Variants in DDX21 observed in about 807,000 individuals in gnomAD.
The protein encoded by DDX21 is nucleolar RNA helicase 2.
A neutral mutation model predicts 90.0 loss-of-function variants in DDX21; 18 were observed. That is an observed-to-expected ratio of 0.20 (90% CI 0.14 to 0.30). The LOEUF (loss-of-function observed/expected upper bound fraction) is 0.30. Ranked by LOEUF, DDX21 falls within the 10% of genes least tolerant of loss-of-function variation. DDX21 has a pLI of 1.00. For missense variants in DDX21, 673 were observed against 944.5 expected (o/e 0.71, Z 3.77); for synonymous variants, 294 against 318.0 (o/e 0.92, Z 0.80).
chr10:68,968,843 C>T, intron 6 of DDX21, 133 bp from the exon 7 acceptor site: 1 of 911,918 alleles, frequency 1.1e-6, no homozygotes. Flanking sequence ...AGTTTTGTGT[C>T]CTCAGTGCCC....
At chr10:68,957,805 A>G (rs771821001) in intron 1 of DDX21, among the ~76,000 whole-genome samples, 1 of 152,220 alleles carries the variant, frequency 6.6e-6, no homozygotes, top group Non-Finnish European at 1.5e-5. Flanking sequence ...AACAGAGACC[A>G]GGCCTGAAAT....
chr10:68,961,616 A>G (rs1589282881), intron 2 of DDX21, among the ~76,000 whole-genome samples: 1 of 152,284 alleles, frequency 6.6e-6, no homozygotes, highest in South Asian at 2.1e-4. Flanking sequence ...TCTACTTACT[A>G]CTTGTATTGA....
chr10:68,969,043 C>G lies in DDX21; in HGVS notation c.1158C>G (p.Ala386=). 1 of 1,613,680 alleles carries G rather than the reference C, an allele frequency of 6.2e-7. No individual in the cohort carries two copies. The highest frequency in any genetic ancestry group is 8.5e-7 in the Non-Finnish European group (1 of 1,179,878). ...GCCCTCATTGGGTATTTAATGTTGC[C>G]AAGAAATACATGAAATCTACATATG... ...ATCPHWVFNV[A]KKYMKSTYEQ... is the part of the protein sequence containing the mutation. Residue 386 remains alanine, a synonymous_variant, in exon 7 of 15, where the codon GCC becomes GCG. Coordinates refer to ENST00000354185, the MANE Select transcript of DDX21 (RefSeq NM_004728.4).
intron 3 of DDX21, among the ~76,000 whole-genome samples, chr10:68,962,665 T>C (rs969367860): frequency 1.3e-5 from 2 of 152,230 alleles, no homozygotes; most frequent in African/African-American, 4.8e-5. Flanking sequence ...TATTGACTAA[T>C]GGTGCTGGTG....
chr10:68,970,955 ATTTTTTTTTTT>A (rs56314802), intron 8 of DDX21, among the ~76,000 whole-genome samples: 55 of 72,554 alleles, frequency 7.6e-4, no homozygotes, highest in South Asian at 2.4e-3. Flanking sequence ...GCCCAGCCTA[ATTTTTTTTTTT>A]TTTTTTTTTT....
intron 7 of DDX21, 66 bp from the exon 8 acceptor site, chr10:68,970,135 T>C (rs1383750228): frequency 3.8e-5 from 55 of 1,435,048 alleles, no homozygotes; most frequent in Non-Finnish European, 5.2e-5. Context: ...TCACTGATCA[T>C]TGTGTTGTGA....
intron 9 of DDX21, among the ~76,000 whole-genome samples, chr10:68,973,028 A>G (rs113623584): frequency 2.6e-5 from 4 of 152,034 alleles, no homozygotes; most frequent in African/African-American, 7.2e-5. Context: ...AACCCTGTCT[A>G]TACTAAAAAT....
At chr10:68,980,229 A>C (rs988635857) in intron 13 of DDX21, among the ~76,000 whole-genome samples, 1 of 151,798 alleles carries the variant, frequency 6.6e-6, no homozygotes, top group Admixed American at 6.6e-5. Context: ...AACAAGAGTG[A>C]AACTCCGTCT....
Position 68,980,212 on chromosome 10 carries a change from C to T in DDX21, c.2037+1236C>T, listed in dbSNP as rs957117934. 5.9e-5 allele frequency among the ~76,000 whole-genome samples: 9 copies of T among 152,164 alleles called. No homozygotes were observed. The South Asian group carries it at 1.9e-3, about 32-fold the overall frequency. On this transcript the variant is annotated intron_variant, in intron 13 of 14. Transcript: ENST00000354185. ...CCGAGATCGCGCCATTACACTCCAG[C>T]TTGGGCAACAAGAGTGAAACTCCGT... is the stretch of plus-strand genomic sequence containing the variant.
rs773653926 is a variant in DDX21, at chr10:68,982,908, CT to C, written c.*97del. 8.0e-5 allele frequency: 118 copies of C among 1,479,214 alleles called. No individual in the cohort carries two copies. Among genetic ancestry groups the C allele is most frequent in the Non-Finnish European group, 1.0e-4 (115 of 1,100,012 alleles). The allele number at this position is 1,479,214 out of a possible 1,614,324, so 91.6% of individuals were successfully genotyped here. On this transcript the variant is annotated 3_prime_UTR_variant, in exon 15 of 15. Transcript: ENST00000354185. ...ATGCAAAGTTAAAAGCACATTGTGC[CT>C]CCTTTTGACCACTTGCCAAGTCCCT...
At position 68,969,045 on chromosome 10, in the gene DDX21, A is replaced by G. The variant is rs1842983191; in HGVS notation, c.1160A>G (p.Lys387Arg). Residue 387 changes from lysine to arginine, a missense_variant, in exon 7 of 15, where the codon AAG becomes AGG. Transcript: ENST00000354185. ...TCPHWVFNVAKKYMKSTYEQV... is the reference protein window; with the variant it reads ...TCPHWVFNVARKYMKSTYEQV... ...CCTCATTGGGTATTTAATGTTGCCA[A>G]GAAATACATGAAATCTACATATGAA... 6.2e-7 allele frequency: 1 copy of G among 1,614,138 alleles called. No individual in the cohort carries two copies. The highest frequency in any genetic ancestry group is 8.5e-7 in the Non-Finnish European group (1 of 1,179,980).
chr10:68,979,846 A>T (rs1030874926), intron 13 of DDX21, among the ~76,000 whole-genome samples: 1 of 152,208 alleles, frequency 6.6e-6, no homozygotes, highest in African/African-American at 2.4e-5. Context: ...CTAACCTTAC[A>T]GCTTAATTTC....
chr10:68,976,715 A>G (rs533193753), intron 11 of DDX21, among the ~76,000 whole-genome samples: 199 of 152,190 alleles, frequency 1.3e-3, no homozygotes, highest in Non-Finnish European at 2.2e-3. Context: ...CAAGAAGGGG[A>G]ATGGGACAAA....
rs938656755 is a variant in DDX21 at position 68,974,864 on chromosome 10, C to T, written c.1742+121C>T. The T allele has an allele frequency of 2.0e-4, 136 of 685,688 alleles. 1 individual carries two copies. The East Asian group carries it at 2.7e-3, about 13-fold the overall frequency. 42.5% of individuals were successfully genotyped at this position (685,688 alleles called of 1,614,324 possible). A position where few individuals can be genotyped will look rare whatever the true frequency, so the allele number is the denominator to read the frequency against. ...TTTTAAAATTTTTGAGACAGGGTCT[C>T]ACTATGTTGCCCAGGCTGGTCTCAA... is the stretch of plus-strand genomic sequence containing the variant. On this transcript the variant is annotated intron_variant, in intron 11 of 14. Coordinates refer to ENST00000354185, the MANE Select transcript of DDX21 (RefSeq NM_004728.4).
rs1325824570 is a variant in DDX21 at position 68,963,303 on chromosome 10, C to A, written c.620C>A (p.Thr207Asn). The change falls in exon 4 of 15, where the codon ACC becomes AAC. Residue 207 changes from threonine to asparagine, a missense_variant. Physicochemically the swap from Thr to Asn is moderately conservative, Grantham distance 65. Coordinates refer to ENST00000354185, the MANE Select transcript of DDX21 (RefSeq NM_004728.4). ...TIKLLKGRGVTFLFPIQAKTF... is the reference protein window; with the variant it reads ...TIKLLKGRGVNFLFPIQAKTF... Reference sequence around the variant, plus strand: ...AATTTGTTCATAGGCCGAGGAGTGACCTTCCTATTTCCTATACAAGCAAAG... The same window carrying A: ...AATTTGTTCATAGGCCGAGGAGTGAACTTCCTATTTCCTATACAAGCAAAG... 1.2e-6 allele frequency: 2 copies of A among 1,611,064 alleles called. No individual in the cohort carries two copies. Among genetic ancestry groups the A allele is most frequent in the Admixed American group, 3.4e-5 (2 of 59,162 alleles).
In DDX21 at chr10:68,984,599, T is replaced by C. The variant is rs1337328728; in HGVS notation, c.*1787T>C. Reference sequence around the variant, plus strand: ...CATGCTTTAATAATAACTGAACCATTTCATTATTTGGATAGGCATGGGTAC... The same window carrying C: ...CATGCTTTAATAATAACTGAACCATCTCATTATTTGGATAGGCATGGGTAC... On this transcript the variant is annotated 3_prime_UTR_variant, in exon 15 of 15. Coordinates refer to ENST00000354185, the MANE Select transcript of DDX21 (RefSeq NM_004728.4). The C allele has an allele frequency of 6.6e-6, 1 of 152,202 alleles. No homozygotes were observed. Among genetic ancestry groups the C allele is most frequent in the Non-Finnish European group, 1.5e-5 (1 of 68,028 alleles). The allele number at this position is 152,202 out of a possible 1,614,324, so 9.4% of individuals were successfully genotyped here.
At chr10:68,969,202 T>A in intron 7 of DDX21, 81 bp downstream of exon 7, 1 of 1,329,526 alleles carries the variant, frequency 7.5e-7, no homozygotes, top group South Asian at 1.3e-5. Context: ...TGGCAAATGC[T>A]CTTTTTCCAG....
intron 10 of DDX21, among the ~76,000 whole-genome samples, chr10:68,973,904 A>G (rs75687175): frequency 6.6e-6 from 1 of 152,216 alleles, no homozygotes; most frequent in Non-Finnish European, 1.5e-5. Flanking sequence ...AATGATAAAT[A>G]TGAACCAGAG....
intron 9 of DDX21, 76 bp from the exon 10 acceptor site, chr10:68,973,469 A>T: frequency 6.3e-7 from 1 of 1,582,040 alleles, no homozygotes; most frequent in Non-Finnish European, 8.7e-7. Flanking sequence ...GCTAGTGTTC[A>T]CTGACCTGCA....
Sources: gnomAD v4.1 joint callset for allele counts (sites outside exome capture counted in the v4.1 genomes callset) on GRCh38, gnomAD v4.1.1 for gene constraint, MANE v1.5 for transcripts, NCBI Gene and HGNC (gene_info 2026-07-23, HGNC 2026-07-21) for gene names.